Variants in RIPOR1 observed in about 807,000 individuals in gnomAD.
RIPOR1 encodes the protein rho family-interacting cell polarization regulator 1.
Under a neutral mutation model 116.5 loss-of-function variants are expected in RIPOR1, and 58 were observed. The observed-to-expected ratio is 0.50, with a 90% CI of 0.40 to 0.62. The LOEUF (loss-of-function observed/expected upper bound fraction) is 0.62. Among genes scored for constraint, RIPOR1 ranks in the 20% least tolerant of loss-of-function variants. The pLI is 0.00. For missense variants in RIPOR1, 1,372 were observed against 1,586.2 expected (o/e 0.86, Z 2.29); for synonymous variants, 605 against 650.0 (o/e 0.93, Z 1.05).
Position 67,530,247 on chromosome 16 carries a change from G to A in RIPOR1, c.-24+1333G>A, listed in dbSNP as rs530437500. Among the ~76,000 whole-genome samples, 1 of 152,150 alleles carries A rather than the reference G, an allele frequency of 6.6e-6. No homozygotes were observed. Among genetic ancestry groups the A allele is most frequent in the Non-Finnish European group, 1.5e-5 (1 of 68,002 alleles). On this transcript the variant is annotated intron_variant, in intron 1 of 21. Coordinates refer to ENST00000042381, the MANE Select transcript of RIPOR1 (RefSeq NM_024519.4). This position sits in a 1 kb window ranked among gnomAD's most constrained non-coding sequence, Gnocchi z 4.5. ...ACTCAGCCCTGGCCAGGCCCGGCCC[G>A]GGGGAGGCCGCCTGGCTCCCAGCGC...
Position 67,529,708 on chromosome 16 carries a change from C to T in RIPOR1, c.-24+794C>T, listed in dbSNP as rs1402950455. The T allele has an allele frequency of 1.5e-5, 23 of 1,513,742 alleles. No individual in the cohort carries two copies. Among genetic ancestry groups the T allele is most frequent in the Non-Finnish European group, 8.8e-7 (1 of 1,133,554 alleles). 93.8% of individuals were successfully genotyped at this position (1,513,742 alleles called of 1,614,324 possible). A position where few individuals can be genotyped will look rare whatever the true frequency, so the allele number is the denominator to read the frequency against. ...TCTAACGTGTGTCCAGGCTGGCCGC[C>T]CCAGCACCTACTGTGCGCAGCCTCG... On this transcript the variant is annotated intron_variant, in intron 1 of 21. Transcript: ENST00000042381. This position sits in a 1 kb window ranked among gnomAD's most constrained non-coding sequence, Gnocchi z 4.1.
rs1306462511 is a variant in RIPOR1 at position 67,546,240 on chromosome 16, G to A, written c.3562+9G>A. ...AAGCCTACAGCAGTGTGGTGAGGCTGGGGGATGGAAGAGATGGGTGGAGTT... is the reference window on the plus strand; with the variant it reads ...AAGCCTACAGCAGTGTGGTGAGGCTAGGGGATGGAAGAGATGGGTGGAGTT... On this transcript the variant is annotated intron_variant, in intron 21 of 21. Transcript: ENST00000042381. The A allele has an allele frequency of 1.9e-6, 3 of 1,613,832 alleles. No individual in the cohort carries two copies. The highest frequency in any genetic ancestry group is 2.5e-6 in the Non-Finnish European group (3 of 1,179,832).
At chr16:67,539,287 G>C in intron 4 of RIPOR1, 1 of 555,970 alleles carries the variant, frequency 1.8e-6, no homozygotes. Flanking sequence ...GCTTCCAGTG[G>C]GGTAGGTGGG....
intron 1 of RIPOR1, among the ~76,000 whole-genome samples, chr16:67,535,416 C>T (rs377617065): frequency 2.0e-5 from 3 of 152,232 alleles, no homozygotes; most frequent in African/African-American, 7.2e-5. Flanking sequence ...GAGAGAGGTG[C>T]GCAGTGCTGA....
Position 67,540,339 on chromosome 16 carries a change from G to C in RIPOR1, c.607G>C (p.Gly203Arg). 6.2e-7 allele frequency: 1 copy of C among 1,614,188 alleles called. No homozygotes were observed. Among genetic ancestry groups the C allele is most frequent in the Non-Finnish European group, 8.5e-7 (1 of 1,180,022 alleles). The change falls in exon 8 of 22, where the codon GGC (glycine) becomes CGC (arginine). Residue 203 changes from glycine (G) to arginine (R), a missense_variant. By Grantham distance (125) the Gly-to-Arg change is moderately radical. Transcript: ENST00000042381. The surrounding 1 kb of genome is among the most constrained non-coding windows in gnomAD (Gnocchi z 4.7). ...GGAGAGCGAGCTGGAGGCACAGCTG[G>C]GCGAGTTTCATCTCCGAATGAAAGG... is the stretch of plus-strand genomic sequence containing the variant. Reference protein sequence around the residue: ...LLESELEAQLGEFHLRMKGLA... With the variant: ...LLESELEAQLREFHLRMKGLA...
In RIPOR1 at chr16:67,537,704, G is replaced by A; in HGVS notation, c.-23-720G>A. ...TTTCGCCGAAGCGGGGTGGGGGTCT[G>A]CCGAGGAGCTCTCCCCGCCGATGCC... On this transcript the variant is annotated intron_variant, in intron 1 of 21. Transcript: ENST00000042381. The surrounding 1 kb of genome is among the most constrained non-coding windows in gnomAD (Gnocchi z 4.6). 1.4e-6 allele frequency: 1 copy of A among 717,140 alleles called. No homozygotes were observed. Among genetic ancestry groups the A allele is most frequent in the Non-Finnish European group, 2.0e-6 (1 of 504,506 alleles). The allele number at this position is 717,140 out of a possible 1,614,324, so 44.4% of individuals were successfully genotyped here.
At chr16:67,528,265 C>T (rs963560120), upstream of RIPOR1, 82 of 152,370 alleles carry the variant, frequency 5.4e-4, 1 homozygote, top group African/African-American at 2.0e-3. Context: ...TGCCCGAAAA[C>T]CAGTACCCAA....
chr16:67,545,855 GAGAGGGT>G lies in RIPOR1; in HGVS notation c.3383_3387+2del. 6.2e-7 allele frequency: 1 copy of G among 1,607,630 alleles called. No homozygotes were observed. Among genetic ancestry groups the G allele is most frequent in the Non-Finnish European group, 8.5e-7 (1 of 1,176,236 alleles). On this transcript the variant is annotated splice_donor_variant and coding_sequence_variant, in exon 19 of 22. Coordinates refer to ENST00000042381, the MANE Select transcript of RIPOR1 (RefSeq NM_024519.4). LOFTEE classifies it high-confidence loss of function. The surrounding 1 kb of genome is among the most constrained non-coding windows in gnomAD (Gnocchi z 4.8). ...CCTGTCACTGGGCCCTACCTTCCGGGAGAGGGTGAGTTGGACAGGGCTCCCTTGAGGG... is the reference window on the plus strand; with the variant it reads ...CCTGTCACTGGGCCCTACCTTCCGGGGAGTTGGACAGGGCTCCCTTGAGGG...
chr16:67,530,115 G>T lies in RIPOR1; in HGVS notation c.-24+1201G>T. On this transcript the variant is annotated intron_variant, in intron 1 of 21. Transcript: ENST00000042381. This position sits in a 1 kb window ranked among gnomAD's most constrained non-coding sequence, Gnocchi z 4.5. ...GAGCCGCCCCAGGGGTCTGGGTTTG[G>T]GTGCGGGTGAGGGGAGGACTCAGGA... is the stretch of plus-strand genomic sequence containing the variant. The T allele has an allele frequency of 1.8e-6, 1 of 569,542 alleles. No individual in the cohort carries two copies. The highest frequency in any genetic ancestry group is 3.2e-6 in the Non-Finnish European group (1 of 316,746). The allele number at this position is 569,542 out of a possible 1,614,324, so 35.3% of individuals were successfully genotyped here. A position where few individuals can be genotyped will look rare whatever the true frequency, so the allele number is the denominator to read the frequency against.
upstream of RIPOR1, among the ~76,000 whole-genome samples, chr16:67,524,156 A>C (rs1308731445): frequency 3.9e-5 from 6 of 152,244 alleles, no homozygotes. Context: ...TTTAACGATT[A>C]AACGGATGGG....
At chr16:67,527,280 C>T (rs962511250), upstream of RIPOR1, among the ~76,000 whole-genome samples, 2 of 150,968 alleles carry the variant, frequency 1.3e-5, no homozygotes, top group African/African-American at 2.4e-5. Context: ...AAAAATTAGC[C>T]GGGACATCTC....
At position 67,542,155 on chromosome 16, in the gene RIPOR1, G is replaced by A; in HGVS notation, c.1369G>A (p.Asp457Asn). The change falls in exon 13 of 22, where the codon GAT (aspartate) becomes AAT (asparagine). Residue 457 changes from aspartate (D) to asparagine (N), a missense_variant. By Grantham distance (23) the Asp-to-Asn change is conservative. Around this residue, in one of 3 missense-constraint regions of RIPOR1, gnomAD observed 1,005 missense variants for 1,144.7 expected, o/e 0.88. Coordinates refer to ENST00000042381, the MANE Select transcript of RIPOR1 (RefSeq NM_024519.4). This position sits in a 1 kb window ranked among gnomAD's most constrained non-coding sequence, Gnocchi z 4.6. ...GAGCCACATCAGTGAGGCTAGTGTAGATGCTGCCTTGGCTGAGGCTTCAGT... is the reference window on the plus strand; with the variant it reads ...GAGCCACATCAGTGAGGCTAGTGTAAATGCTGCCTTGGCTGAGGCTTCAGT... Reference protein sequence around the residue: ...TLSHISEASVDAALAEASVEA... With the variant: ...TLSHISEASVNAALAEASVEA... 6.2e-7 allele frequency: 1 copy of A among 1,614,000 alleles called. No homozygotes were observed. The highest frequency in any genetic ancestry group is 8.5e-7 in the Non-Finnish European group (1 of 1,179,914).
upstream of RIPOR1, among the ~76,000 whole-genome samples, chr16:67,527,924 C>T (rs1019909964): frequency 3.3e-5 from 5 of 151,644 alleles, no homozygotes; most frequent in African/African-American, 4.8e-5. Flanking sequence ...AAACAGCCCT[C>T]AGGACTGGTG....
rs947296189 is a variant in RIPOR1 at position 67,541,644 on chromosome 16, C to T, written c.951-9C>T. ...TGTGGCACCTGCCAACAGCCTCTTC[C>T]CTTCCCAGCCCCTTCGACAAGGATG... On this transcript the variant is annotated splice_polypyrimidine_tract_variant and intron_variant, in intron 11 of 21. Transcript: ENST00000042381. This position sits in a 1 kb window ranked among gnomAD's most constrained non-coding sequence, Gnocchi z 4.6. 3 of 1,613,930 alleles carry T rather than the reference C, an allele frequency of 1.9e-6. No homozygotes were observed. The highest frequency in any genetic ancestry group is 3.3e-5 in the Admixed American group (2 of 59,990).
rs2050609838 is a variant in RIPOR1 at position 67,529,914 on chromosome 16, C to G, written c.-24+1000C>G. On this transcript the variant is annotated intron_variant, in intron 1 of 21. Coordinates refer to ENST00000042381, the MANE Select transcript of RIPOR1 (RefSeq NM_024519.4). The surrounding 1 kb of genome is among the most constrained non-coding windows in gnomAD (Gnocchi z 4.1). ...GGTTTGGGAGAAGCGAGGATTAGAT[C>G]TGAGTCCTTGCCCCTGCGACACCCA... The G allele has an allele frequency of 9.0e-6, 11 of 1,221,090 alleles. No individual in the cohort carries two copies. The highest frequency in any genetic ancestry group is 1.8e-4 in the Middle Eastern group (1 of 5,430). The allele number at this position is 1,221,090 out of a possible 1,614,324, so 75.6% of individuals were successfully genotyped here.
At position 67,544,280 on chromosome 16, in the gene RIPOR1, GA is replaced by G; in HGVS notation, c.2601-18del. The G allele has an allele frequency of 6.3e-7, 1 of 1,587,364 alleles. No homozygotes were observed. The highest frequency in any genetic ancestry group is 8.6e-7 in the Non-Finnish European group (1 of 1,159,626). On this transcript the variant is annotated intron_variant, in intron 14 of 21. Transcript: ENST00000042381. The surrounding 1 kb of genome is among the most constrained non-coding windows in gnomAD (Gnocchi z 5.1). ...GGTGATGTGTGCCTGTGGGGTGGTG[GA>G]CCCCATTTTTCCCTCAGGCCTCCAA...
chr16:67,523,719 T>C, intron 1 of RIPOR1, among the ~76,000 whole-genome samples: 1 of 151,580 alleles, frequency 6.6e-6, no homozygotes, highest in East Asian at 2.0e-4. Flanking sequence ...CTCGCTCTGT[T>C]GCCCAGGCTG....
rs999503597 is a variant in RIPOR1, at chr16:67,529,779, T to C, written c.-24+865T>C. 1 of 1,535,528 alleles carries C rather than the reference T, an allele frequency of 6.5e-7. No homozygotes were observed. The highest frequency in any genetic ancestry group is 2.0e-5 in the Admixed American group (1 of 51,004). ...GGCTGCAGTCTGCGGGGCCGCGCCC[T>C]GGGCCTGCCGCATTCGGCCAACGCA... On this transcript the variant is annotated intron_variant, in intron 1 of 21. Coordinates refer to ENST00000042381, the MANE Select transcript of RIPOR1 (RefSeq NM_024519.4). This position sits in a 1 kb window ranked among gnomAD's most constrained non-coding sequence, Gnocchi z 4.1.
rs2051181132 is a variant in RIPOR1 at position 67,546,693 on chromosome 16, C to A, written c.*230C>A. The A allele has an allele frequency of 3.5e-6, 2 of 567,874 alleles. No individual in the cohort carries two copies. The highest frequency in any genetic ancestry group is 6.3e-6 in the Non-Finnish European group (2 of 318,786). The allele number at this position is 567,874 out of a possible 1,614,324, so 35.2% of individuals were successfully genotyped here. On this transcript the variant is annotated 3_prime_UTR_variant, in exon 22 of 22. Coordinates refer to ENST00000042381, the MANE Select transcript of RIPOR1 (RefSeq NM_024519.4). ...CCTTGCCACAAATCAGTGTCTGGGG[C>A]TTGGCCACCCTGCCGCTGCCCAGCC...
Sources: gnomAD v4.1 joint callset for allele counts (sites outside exome capture counted in the v4.1 genomes callset) on GRCh38, gnomAD v4.1.1 for gene constraint, gnomAD v4.1.1 regional missense constraint, Gnocchi (gnomAD v3.1) non-coding constraint, MANE v1.5 for transcripts, NCBI Gene and HGNC (gene_info 2026-07-23, HGNC 2026-07-21) for gene names.